AFDN: variants seen among roughly 807,000 people sequenced by gnomAD.
AFDN encodes the protein afadin.
AFDN carries 68 observed loss-of-function variants against 216.6 expected under a neutral mutation model. The ratio of observed to expected loss-of-function variants is 0.31; its 90% CI spans 0.26 to 0.38. The LOEUF (loss-of-function observed/expected upper bound fraction) is 0.38. Among genes scored for constraint, AFDN ranks in the 10% least tolerant of loss-of-function variants. The pLI is 1.00. For missense variants in AFDN, 2,136 were observed against 2,342.0 expected, an observed-to-expected ratio of 0.91 and a Z score of 1.82; for synonymous variants, 868 against 853.7, an observed-to-expected ratio of 1.02 and a Z score of -0.29.
chr6:167,951,411 C>A lies in AFDN; in HGVS notation c.4057C>A (p.Pro1353Thr). The stretch of plus-strand genomic sequence containing the variant: ...AAGTGGCCCTGGCCGTTGGAAAACA[C>A]CAGCAGCCATACCGGCCACCCCTGT... ...TKSGPGRWKT[P>T]AAIPATPVAV... Residue 1353 changes from proline (P) to threonine (T), a missense_variant, in exon 30 of 34, where the codon CCA (proline) becomes ACA (threonine). Around this residue, in one of 8 missense-constraint regions of AFDN, gnomAD observed 981 missense variants for 966.0 expected, o/e 1.02. Coordinates refer to ENST00000683244, the MANE Select transcript of AFDN (RefSeq NM_001386888.1). This position sits in a 1 kb window ranked among gnomAD's most constrained non-coding sequence, Gnocchi z 7.1. 1.2e-6 allele frequency: 2 copies of A among 1,614,102 alleles called. No homozygotes were observed. The highest frequency in any genetic ancestry group is 3.3e-4 in the Middle Eastern group (2 of 6,062).
chr6:167,949,464 T>A (rs1795715053), intron 29 of AFDN, among the ~76,000 whole-genome samples: 1 of 152,146 alleles, frequency 6.6e-6, no homozygotes. Flanking sequence ...CAGAAAATGC[T>A]CCTCAGGCCA....
chr6:167,900,536 G>A (rs1281382734), intron 11 of AFDN, among the ~76,000 whole-genome samples: 1 of 152,180 alleles, frequency 6.6e-6, no homozygotes, highest in African/African-American at 2.4e-5. Context: ...ACTTTGGTTG[G>A]TCTTGTCCAC....
chr6:167,880,572 T>C, intron 6 of AFDN, 55 bp downstream of exon 6: 1 of 1,545,564 alleles, frequency 6.5e-7, no homozygotes, highest in African/African-American at 1.4e-5. Flanking sequence ...AAATGGTAGA[T>C]TTTCTTTAAA....
At chr6:167,925,149 G>C (rs1792346153) in intron 23 of AFDN, 58 bp downstream of exon 23, 1 of 1,255,696 alleles carries the variant, frequency 8.0e-7, no homozygotes, top group Admixed American at 1.7e-5. Flanking sequence ...TTGAATCAGT[G>C]GTTGTCAGAG....
intron 1 of AFDN, among the ~76,000 whole-genome samples, chr6:167,844,704 T>G (rs1370664931): frequency 6.6e-6 from 1 of 152,218 alleles, no homozygotes; most frequent in African/African-American, 2.4e-5. Flanking sequence ...CAGTTTATGC[T>G]GCCACTGTTG....
Position 167,914,180 on chromosome 6 carries a change from A to G in AFDN, c.2071A>G (p.Ile691Val). 6.2e-7 allele frequency: 1 copy of G among 1,614,088 alleles called. No homozygotes were observed. Among genetic ancestry groups the G allele is most frequent in the Non-Finnish European group, 8.5e-7 (1 of 1,180,000 alleles). Reference sequence around the variant, plus strand: ...GTTCTGTCTACAGAAACAGAAGAATATTGCAGGGGCACTTGCCTTCTGGAT... The same window carrying G: ...GTTCTGTCTACAGAAACAGAAGAATGTTGCAGGGGCACTTGCCTTCTGGAT... ...VDQVDQKQKN[I>V]AGALAFWMAN... Residue 691 changes from isoleucine to valine, a missense_variant, in exon 17 of 34, where the codon ATT becomes GTT. Ile to Val is a conservative substitution (Grantham distance 29). Transcript: ENST00000683244.
intron 1 of AFDN, among the ~76,000 whole-genome samples, chr6:167,842,899 A>G (rs1781227073): frequency 6.6e-6 from 1 of 152,244 alleles, no homozygotes; most frequent in African/African-American, 2.4e-5. Flanking sequence ...ATAAAAACAC[A>G]TGAGCTTTTA....
At chr6:167,903,581 G>C (rs1331882788) in intron 12 of AFDN, among the ~76,000 whole-genome samples, 1 of 152,194 alleles carries the variant, frequency 6.6e-6, no homozygotes, top group Non-Finnish European at 1.5e-5. Context: ...GTGATTTATT[G>C]AATGCCATGG....
intron 23 of AFDN, among the ~76,000 whole-genome samples, chr6:167,939,934 A>G (rs995022961): frequency 7.9e-5 from 12 of 152,328 alleles, no homozygotes; most frequent in African/African-American, 1.9e-4. Context: ...GTTGCTGTTT[A>G]TTGAGTGCCT....
Position 167,827,209 on chromosome 6 carries a change from A to G in AFDN, c.77A>G (p.Asp26Gly). The G allele has an allele frequency of 7.9e-7, 1 of 1,264,922 alleles. No individual in the cohort carries two copies. The allele number at this position is 1,264,922 out of a possible 1,614,324, so 78.4% of individuals were successfully genotyped here. ...IIHHWNANRL[D>G]LFEISQPTED... ...CACCACTGGAACGCCAACCGGCTGG[A>G]CCTGTTCGAGATCAGCCAGCCGACC... Residue 26 changes from aspartate (D) to glycine (G), a missense_variant, in exon 1 of 34, where the codon GAC (aspartate) becomes GGC (glycine). By Grantham distance (94) the Asp-to-Gly change is moderately conservative. Around this residue, in one of 8 missense-constraint regions of AFDN, gnomAD observed 81 missense variants for 51.2 expected, o/e 1.58. Transcript: ENST00000683244.
At chr6:167,897,731 C>T (rs774653916) in intron 10 of AFDN, among the ~76,000 whole-genome samples, 5 of 143,868 alleles carry the variant, frequency 3.5e-5, no homozygotes, top group Admixed American at 7.2e-5. Flanking sequence ...TCTGTAACCT[C>T]CAACTCCCTG....
At chr6:167,855,039 AAAAC>A (rs760500892) in intron 1 of AFDN, among the ~76,000 whole-genome samples, 114 of 152,106 alleles carry the variant, frequency 7.5e-4, no homozygotes, top group African/African-American at 2.6e-3. Context: ...TCTGTTTTGA[AAAAC>A]AAACTGTTCA....
At chr6:167,954,445 C>CT (rs1562335916) in intron 30 of AFDN, 1 of 1,543,204 alleles carries the variant, frequency 6.5e-7, no homozygotes, top group Admixed American at 2.0e-5. Flanking sequence ...TTTTCTTTCT[C>CT]TGTTACCTGC....
At position 167,970,735 on chromosome 6, in the gene AFDN, T is replaced by C. The variant is rs1797968934; in HGVS notation, c.*800T>C. The stretch of plus-strand genomic sequence containing the variant: ...TAAAGATGACAGTTACCTTGGAAAG[T>C]TCACTAATACTTCGCTCCAAGGCGT... On this transcript the variant is annotated 3_prime_UTR_variant, in exon 34 of 34. Coordinates refer to ENST00000683244, the MANE Select transcript of AFDN (RefSeq NM_001386888.1). The C allele has an allele frequency of 4.6e-6, 1 of 217,158 alleles. No individual in the cohort carries two copies. Among genetic ancestry groups the C allele is most frequent in the South Asian group, 1.9e-4 (1 of 5,382 alleles). 13.5% of individuals were successfully genotyped at this position (217,158 alleles called of 1,614,324 possible).
chr6:167,878,477 A>C (rs1175221190), intron 5 of AFDN, among the ~76,000 whole-genome samples: 2 of 152,154 alleles, frequency 1.3e-5, no homozygotes, highest in African/African-American at 4.8e-5. Context: ...TCCAAAAGCC[A>C]GGATCTTCTT....
At position 167,951,695 on chromosome 6, in the gene AFDN, G is replaced by T. The variant is rs1044811751; in HGVS notation, c.4341G>T (p.Lys1447Asn). ...RERKRREQER[K>N]LGQMRTQSLN... Reference sequence around the variant, plus strand: ...GGAAGCGGAGAGAGCAGGAGAGGAAGTTGGGCCAGATGCGCACTCAGTCCT... The same window carrying T: ...GGAAGCGGAGAGAGCAGGAGAGGAATTTGGGCCAGATGCGCACTCAGTCCT... Residue 1447 changes from lysine (K) to asparagine (N), a missense_variant, in exon 30 of 34, where the codon AAG (lysine) becomes AAT (asparagine). Coordinates refer to ENST00000683244, the MANE Select transcript of AFDN (RefSeq NM_001386888.1). The surrounding 1 kb of genome is among the most constrained non-coding windows in gnomAD (Gnocchi z 7.1). 2 of 1,614,108 alleles carry T rather than the reference G, an allele frequency of 1.2e-6. No homozygotes were observed. The highest frequency in any genetic ancestry group is 1.7e-6 in the Non-Finnish European group (2 of 1,179,992).
At chr6:167,968,663 A>G (rs1314962077) in intron 32 of AFDN, 1 of 166,230 alleles carries the variant, frequency 6.0e-6, no homozygotes, top group Non-Finnish European at 1.3e-5. Context: ...TTTTAACAAT[A>G]TAACATTGAT....
chr6:167,909,552 T>G (rs1417835189), intron 13 of AFDN, among the ~76,000 whole-genome samples: 1 of 152,168 alleles, frequency 6.6e-6, no homozygotes, highest in Non-Finnish European at 1.5e-5. Context: ...AATACTTAAT[T>G]CTGGCCGTAC....
Position 167,963,843 on chromosome 6 carries a change from T to G in AFDN, c.4968+1276T>G, listed in dbSNP as rs1797271848. 4.7e-6 allele frequency: 5 copies of G among 1,063,812 alleles called. No homozygotes were observed. In the South Asian group the frequency reaches 1.8e-4, roughly 39 times the overall value. The allele number at this position is 1,063,812 out of a possible 1,614,324, so 65.9% of individuals were successfully genotyped here. ...ACAAAATGCTGAGCCGCTTGATGTC[T>G]AAGTGTTGGTGGTTTTTGCTGTTGC... is the stretch of plus-strand genomic sequence containing the variant. On this transcript the variant is annotated intron_variant, in intron 31 of 33. Coordinates refer to ENST00000683244, the MANE Select transcript of AFDN (RefSeq NM_001386888.1).
Sources: allele counts gnomAD v4.1 joint callset (sites outside exome capture counted in the v4.1 genomes callset), GRCh38; gene constraint gnomAD v4.1.1; regional missense constraint gnomAD v4.1.1; non-coding constraint Gnocchi (gnomAD v3.1); transcripts MANE v1.5; gene names NCBI Gene and HGNC (gene_info 2026-07-23, HGNC 2026-07-21).